FAM78B: variants seen among roughly 807,000 people sequenced by gnomAD.
FAM78B encodes the protein family with sequence similarity 78 member B.
In FAM78B, 10 loss-of-function variants were observed where a neutral mutation model predicts 20.0. The ratio of observed to expected loss-of-function variants is 0.50; its 90% CI spans 0.31 to 0.85. The LOEUF is 0.85. Among genes scored for constraint, FAM78B ranks in the 40% least tolerant of loss-of-function variants. The pLI, the probability that FAM78B is intolerant of heterozygous loss-of-function variation, is 0.05. For missense variants in FAM78B, 283 were observed against 345.0 expected, an observed-to-expected ratio of 0.82 and a Z score of 1.42; for synonymous variants, 135 against 132.8, an observed-to-expected ratio of 1.02 and a Z score of -0.12.
intron 1 of FAM78B, among the ~76,000 whole-genome samples, chr1:166,137,200 T>C (rs940973489): frequency 6.6e-6 from 1 of 152,232 alleles, no homozygotes; most frequent in Non-Finnish European, 1.5e-5. Flanking sequence ...TTTCCTTTTA[T>C]GTGCTAACCC....
chr1:166,070,546 T>A lies in FAM78B; in HGVS notation c.481A>T (p.Thr161Ser). ...PVSDSNVPLL[T>S]RIKRDQSFTT... ...AAACTTTGGTCTCTCTTGATTCTTG[T>A]GAGCAGTGGCACATTGCTGTCACTC... The change falls in exon 2 of 2, where the codon ACA becomes TCA. Residue 161 changes from threonine (T) to serine (S), a missense_variant. By Grantham distance (58) the Thr-to-Ser change is moderately conservative (BLOSUM62 1). Coordinates refer to ENST00000354422, the MANE Select transcript of FAM78B (RefSeq NM_001017961.5). 6.2e-7 allele frequency: 1 copy of A among 1,614,046 alleles called. No individual in the cohort carries two copies. The highest frequency in any genetic ancestry group is 8.5e-7 in the Non-Finnish European group (1 of 1,179,988).
At chr1:166,107,161 C>T (rs1227395369) in intron 1 of FAM78B, among the ~76,000 whole-genome samples, 2 of 151,616 alleles carry the variant, frequency 1.3e-5, no homozygotes, top group Admixed American at 6.6e-5. Context: ...CAGAGCAGAA[C>T]GAAATAAAAT....
intron 1 of FAM78B, among the ~76,000 whole-genome samples, chr1:166,138,594 TA>T (rs1268143369): frequency 6.6e-6 from 1 of 152,162 alleles, no homozygotes; most frequent in African/African-American, 2.4e-5. Context: ...ATTGCTGGGC[TA>T]AAAAAACCTA....
intron 1 of FAM78B, among the ~76,000 whole-genome samples, chr1:166,154,226 T>C (rs1015805127): frequency 6.6e-6 from 1 of 152,102 alleles, no homozygotes; most frequent in African/African-American, 2.4e-5. Context: ...ACCTTGCCTG[T>C]GTGTGGGTAG....
At chr1:166,116,292 G>A (rs1266374959) in intron 1 of FAM78B, among the ~76,000 whole-genome samples, 1 of 152,172 alleles carries the variant, frequency 6.6e-6, no homozygotes, top group African/African-American at 2.4e-5. Context: ...ATGGGATCCT[G>A]CCCCTGCTTT....
chr1:166,162,371 C>A lies in FAM78B; in HGVS notation c.263+3615G>T, dbSNP rs987576970. Among the ~76,000 whole-genome samples, 5 of 152,310 alleles carry A rather than the reference C, an allele frequency of 3.3e-5. No individual in the cohort carries two copies. The East Asian group carries it at 9.6e-4, about 29-fold the overall frequency. ...AAGTTTCACACAGGCCAAACTTTTCCAAATTGGCAGTGGAGATGGTTTCCA... is the reference window on the plus strand; with the variant it reads ...AAGTTTCACACAGGCCAAACTTTTCAAAATTGGCAGTGGAGATGGTTTCCA... On this transcript the variant is annotated intron_variant, in intron 1 of 1. Coordinates refer to ENST00000354422, the MANE Select transcript of FAM78B (RefSeq NM_001017961.5).
chr1:166,105,012 G>C (rs1653710635), intron 1 of FAM78B, among the ~76,000 whole-genome samples: 1 of 152,238 alleles, frequency 6.6e-6, no homozygotes, highest in African/African-American at 2.4e-5. Context: ...CAGACATATA[G>C]ACCAATGGAA....
intron 1 of FAM78B, among the ~76,000 whole-genome samples, chr1:166,106,042 T>A (rs905918425): frequency 6.6e-6 from 1 of 151,764 alleles, no homozygotes; most frequent in African/African-American, 2.4e-5. Flanking sequence ...AATGATGAGT[T>A]CATGTCCTTT....
At chr1:166,066,851 GCCC>G (rs1198585546), downstream of FAM78B, among the ~76,000 whole-genome samples, 1 of 152,156 alleles carries the variant, frequency 6.6e-6, no homozygotes, top group African/African-American at 2.4e-5. Flanking sequence ...TCTCTCATGT[GCCC>G]CCATCTCATG....
chr1:166,161,570 G>A (rs1017301052), intron 1 of FAM78B, among the ~76,000 whole-genome samples: 5 of 152,200 alleles, frequency 3.3e-5, no homozygotes, highest in Admixed American at 6.5e-5. Context: ...CAGTTAGAAA[G>A]TCTCTACAAG....
At chr1:166,123,953 C>T (rs1367356921) in intron 1 of FAM78B, among the ~76,000 whole-genome samples, 2 of 152,190 alleles carry the variant, frequency 1.3e-5, no homozygotes, top group African/African-American at 4.8e-5. Flanking sequence ...GGTCCCAGGC[C>T]CAGGCCTAGT....
At chr1:166,067,979 A>G (rs1337632894), downstream of FAM78B, among the ~76,000 whole-genome samples, 2 of 152,250 alleles carry the variant, frequency 1.3e-5, no homozygotes, top group Non-Finnish European at 2.9e-5. Context: ...TGAAAAAGTT[A>G]TTTGTAAATA....
intron 1 of FAM78B, among the ~76,000 whole-genome samples, chr1:166,152,732 C>T (rs190664778): frequency 0.013 from 2,041 of 151,864 alleles, 59 homozygotes; most frequent in African/African-American, 0.047. Context: ...GGCTGGAGTG[C>T]AGTGGCGTGA....
chr1:166,126,131 G>A (rs1230989205), intron 1 of FAM78B, among the ~76,000 whole-genome samples: 1 of 152,104 alleles, frequency 6.6e-6, no homozygotes, highest in Non-Finnish European at 1.5e-5. Flanking sequence ...ACTGTGCCCG[G>A]CCTATTACTT....
At chr1:166,109,075 A>G (rs1163705961) in intron 1 of FAM78B, among the ~76,000 whole-genome samples, 1 of 152,226 alleles carries the variant, frequency 6.6e-6, no homozygotes, top group African/African-American at 2.4e-5. Context: ...AACACTGGAA[A>G]AACCCTTCTA....
chr1:166,102,052 A>G (rs1177667220), intron 1 of FAM78B, among the ~76,000 whole-genome samples: 2 of 152,232 alleles, frequency 1.3e-5, no homozygotes, highest in East Asian at 3.8e-4. Flanking sequence ...GGGGGCCAAT[A>G]TTCAACATTC....
intron 1 of FAM78B, among the ~76,000 whole-genome samples, chr1:166,086,350 T>C (rs1334675393): frequency 6.6e-6 from 1 of 152,156 alleles, no homozygotes; most frequent in East Asian, 1.9e-4. Flanking sequence ...GAAAGCACAG[T>C]GGCAGAAGGG....
At chr1:166,151,166 A>G (rs968438078) in intron 1 of FAM78B, among the ~76,000 whole-genome samples, 6 of 152,212 alleles carry the variant, frequency 3.9e-5, no homozygotes, top group South Asian at 4.1e-4. Flanking sequence ...CAAGAGTTCA[A>G]TGCTACCCTG....
At chr1:166,095,147 A>T (rs1044854492) in intron 1 of FAM78B, among the ~76,000 whole-genome samples, 4 of 152,164 alleles carry the variant, frequency 2.6e-5, no homozygotes, top group African/African-American at 9.6e-5. Context: ...TCTGCTGACA[A>T]CCCTGCCCTC....
Sources: gnomAD v4.1 joint callset for allele counts (sites outside exome capture counted in the v4.1 genomes callset) on GRCh38, gnomAD v4.1.1 for gene constraint, MANE v1.5 for transcripts, NCBI Gene and HGNC (gene_info 2026-07-23, HGNC 2026-07-21) for gene names.